The following CAMK1D variants were observed in gnomAD, a reference collection of about 807,000 sequenced individuals.
CAMK1D encodes calcium/calmodulin-dependent protein kinase type 1D.
A neutral mutation model predicts 47.7 loss-of-function variants in CAMK1D; 9 were observed. The ratio of observed to expected loss-of-function variants is 0.19; its 90% CI spans 0.11 to 0.33. The LOEUF (loss-of-function observed/expected upper bound fraction) is 0.33. Ranked by LOEUF, CAMK1D falls within the 10% of genes least tolerant of loss-of-function variation. The pLI, the probability that CAMK1D is intolerant of heterozygous loss-of-function variation, is 1.00. For synonymous variants in CAMK1D, 184 were observed against 184.9 expected (o/e 0.99, Z 0.04); for missense variants, 291 against 488.7 (o/e 0.60, Z 3.81).
chr10:12,820,260 G>A (rs569315773), intron 8 of CAMK1D, among the ~76,000 whole-genome samples: 18 of 152,266 alleles, frequency 1.2e-4, no homozygotes, highest in African/African-American at 2.4e-4. Flanking sequence ...GGATGGTCTC[G>A]ATCTCCTAAC....
intron 5 of CAMK1D, among the ~76,000 whole-genome samples, chr10:12,770,011 T>C (rs572799410): frequency 6.6e-6 from 1 of 152,368 alleles, no homozygotes; most frequent in East Asian, 1.9e-4. Flanking sequence ...CTGAAAACTT[T>C]TGCACAGTTG....
At chr10:12,711,932 A>G (rs530331596) in intron 3 of CAMK1D, among the ~76,000 whole-genome samples, 1 of 152,314 alleles carries the variant, frequency 6.6e-6, no homozygotes, top group African/African-American at 2.4e-5. Flanking sequence ...TAAAGGTAAA[A>G]TGTTTTTCTC....
intron 1 of CAMK1D, among the ~76,000 whole-genome samples, chr10:12,423,231 C>T (rs995009164): frequency 2.0e-5 from 3 of 152,038 alleles, no homozygotes; most frequent in South Asian, 2.1e-4. Flanking sequence ...AAGGCCCCTT[C>T]GGCCAGGTGC....
intron 2 of CAMK1D, among the ~76,000 whole-genome samples, chr10:12,601,417 A>G (rs1838300225): frequency 6.6e-6 from 1 of 152,044 alleles, no homozygotes; most frequent in South Asian, 2.1e-4. Context: ...CTGCCACAGC[A>G]CCTCGTATAA....
chr10:12,734,393 T>G (rs1328697934), intron 3 of CAMK1D, among the ~76,000 whole-genome samples: 2 of 30,238 alleles, frequency 6.6e-5, no homozygotes, highest in African/African-American at 2.1e-4. Context: ...TAGATATAGA[T>G]ATATATATAT....
chr10:12,514,157 T>G (rs185050546), intron 1 of CAMK1D, among the ~76,000 whole-genome samples: 1 of 152,288 alleles, frequency 6.6e-6, no homozygotes, highest in East Asian at 1.9e-4. Flanking sequence ...TGGTGAGATT[T>G]CATTAATGTG....
At chr10:12,482,641 TA>T (rs1834098920) in intron 1 of CAMK1D, among the ~76,000 whole-genome samples, 1 of 152,234 alleles carries the variant, frequency 6.6e-6, no homozygotes, top group Non-Finnish European at 1.5e-5. Flanking sequence ...CATATGCGTG[TA>T]TACGTGACAC....
At chr10:12,789,883 A>G (rs950489785) in intron 5 of CAMK1D, among the ~76,000 whole-genome samples, 5 of 152,356 alleles carry the variant, frequency 3.3e-5, no homozygotes, top group Middle Eastern at 3.4e-3. Flanking sequence ...CTGCCATCAG[A>G]TATGTTTGGG....
At position 12,829,885 on chromosome 10, in the gene CAMK1D, G is replaced by A. The variant is rs566002709; in HGVS notation, c.*998G>A. On this transcript the variant is annotated 3_prime_UTR_variant, in exon 11 of 11. Transcript: ENST00000619168. ...GCTCTCTTCTCTGCGGGGGACTTTG[G>A]TAGAGAATCTGCACAGAGCCTTTGC... 3 of 152,288 alleles carry A rather than the reference G, an allele frequency of 2.0e-5. No individual in the cohort carries two copies. The highest frequency in any genetic ancestry group is 4.1e-4 in the South Asian group (2 of 4,828). 9.4% of individuals were successfully genotyped at this position (152,288 alleles called of 1,614,324 possible). A position where few individuals can be genotyped will look rare whatever the true frequency, so the allele number is the denominator to read the frequency against.
chr10:12,676,720 T>G (rs567781687), intron 3 of CAMK1D, among the ~76,000 whole-genome samples: 6 of 152,208 alleles, frequency 3.9e-5, no homozygotes, highest in South Asian at 4.1e-4. Flanking sequence ...GATAGCATTT[T>G]CTAGGAAAAA....
At chr10:12,560,284 G>A (rs1836894475) in intron 2 of CAMK1D, among the ~76,000 whole-genome samples, 1 of 152,038 alleles carries the variant, frequency 6.6e-6, no homozygotes, top group Admixed American at 6.5e-5. Context: ...CGGGCGCGGT[G>A]GCTCACGCCT....
At chr10:12,700,762 A>T (rs1436862192) in intron 3 of CAMK1D, among the ~76,000 whole-genome samples, 1 of 152,210 alleles carries the variant, frequency 6.6e-6, no homozygotes, top group East Asian at 1.9e-4. Context: ...CATGTCCAGT[A>T]ACTCGAATTT....
rs1303498083 is a variant in CAMK1D, at chr10:12,588,881, TGTGCGTGC to T, written c.224+35529_224+35536del. ...ATATGTATATATGTGTGTGTGTGTG[TGTGCGTGC>T]GTGTGTGTGTGTGTGTATATATAAC... On this transcript the variant is annotated intron_variant, in intron 2 of 10. Transcript: ENST00000619168. 8.1e-3 allele frequency among the ~76,000 whole-genome samples: 1,137 copies of T among 139,568 alleles called. 8 individuals are homozygous for T. Among genetic ancestry groups the T allele is most frequent in the African/African-American group, 0.032 (989 of 30,828 alleles). 91.6% of individuals were successfully genotyped at this position (139,568 alleles called of 152,430 possible).
rs1242186155 is a variant in CAMK1D at position 12,769,758 on chromosome 10, G to A, written c.524G>A (p.Gly175Glu). 1.2e-6 allele frequency: 2 copies of A among 1,614,072 alleles called. No individual in the cohort carries two copies. The highest frequency in any genetic ancestry group is 1.3e-5 in the African/African-American group (1 of 74,942). ...DFGLSKMEGK[G>E]DVMSTACGTP... is the part of the protein sequence containing the mutation. ...GGATTGTCAAAAATGGAGGGCAAAG[G>A]AGATGTGATGTCCACTGCCTGTGGA... Residue 175 changes from glycine to glutamate, a missense_variant, in exon 5 of 11, where the codon GGA becomes GAA. Transcript: ENST00000619168.
chr10:12,632,518 A>G (rs999807426), intron 2 of CAMK1D, among the ~76,000 whole-genome samples: 1 of 152,212 alleles, frequency 6.6e-6, no homozygotes, highest in African/African-American at 2.4e-5. Context: ...ACCTTTCAGC[A>G]TCATTGTCTG....
At chr10:12,350,962 C>G (rs1837337749) in intron 1 of CAMK1D, among the ~76,000 whole-genome samples, 2 of 152,194 alleles carry the variant, frequency 1.3e-5, no homozygotes, top group Admixed American at 6.5e-5. Context: ...TGGGATAAAT[C>G]AGTGCGTTGT....
chr10:12,609,011 G>A (rs1838546714), intron 2 of CAMK1D, among the ~76,000 whole-genome samples: 1 of 152,194 alleles, frequency 6.6e-6, no homozygotes, highest in Admixed American at 6.5e-5. Context: ...CTATTGTTTT[G>A]CTTATTGTTG....
At chr10:12,470,998 G>A (rs12573043) in intron 1 of CAMK1D, among the ~76,000 whole-genome samples, 2,233 of 152,274 alleles carry the variant, frequency 0.015, 35 homozygotes, top group East Asian at 0.044. Context: ...TGTTAGAGCC[G>A]CTTTATGACT....
At chr10:12,656,176 C>G (rs1588743163) in intron 2 of CAMK1D, among the ~76,000 whole-genome samples, 1 of 152,022 alleles carries the variant, frequency 6.6e-6, no homozygotes, top group Non-Finnish European at 1.5e-5. Flanking sequence ...CCTGTGGGAC[C>G]ATTACAGGCT....
Sources: allele counts gnomAD v4.1 joint callset (sites outside exome capture counted in the v4.1 genomes callset), GRCh38; gene constraint gnomAD v4.1.1; transcripts MANE v1.5; gene names NCBI Gene and HGNC (gene_info 2026-07-23, HGNC 2026-07-21).